FAM186B: variants seen among roughly 807,000 people sequenced by gnomAD.
FAM186B encodes protein FAM186B.
Under a neutral mutation model 83.4 loss-of-function variants are expected in FAM186B, and 68 were observed. The ratio of observed to expected loss-of-function variants is 0.81; its 90% CI spans 0.67 to 1.00. The LOEUF is 1.00. FAM186B is among the 50% of genes least tolerant of loss of function. FAM186B has a pLI of 0.00. For synonymous variants in FAM186B, 389 were observed against 422.0 expected (o/e 0.92, Z 0.96); for missense variants, 983 against 1,099.2 (o/e 0.89, Z 1.49).
chr12:49,592,645 A>C (rs575627504), intron 5 of FAM186B, among the ~76,000 whole-genome samples: 1 of 151,782 alleles, frequency 6.6e-6, no homozygotes, highest in South Asian at 2.1e-4. Flanking sequence ...AATTAGCCGG[A>C]CATGGTGGCG....
chr12:49,599,349 C>A (rs1939808454), intron 4 of FAM186B, 120 bp downstream of exon 4: 1 of 1,399,180 alleles, frequency 7.1e-7, no homozygotes, highest in Admixed American at 3.2e-5. Context: ...AGACCCTGTC[C>A]AGGCCTGGGG....
chr12:49,610,663 G>A, the FAM186B span, among the ~76,000 whole-genome samples: 7 of 152,036 alleles, frequency 4.6e-5, no homozygotes, highest in South Asian at 2.1e-4. Context: ...GGTCGTGGGC[G>A]CCTGTAGTCC....
chr12:49,611,998 G>A, the FAM186B span, among the ~76,000 whole-genome samples: 2 of 151,970 alleles, frequency 1.3e-5, no homozygotes, highest in African/African-American at 4.8e-5. Context: ...TCTAAACATG[G>A]AAATAAAAGA....
rs1939826284 is a variant in FAM186B at position 49,599,786 on chromosome 12, G to A, written c.1854C>T (p.Tyr618=). 8 of 1,613,916 alleles carry A rather than the reference G, an allele frequency of 5.0e-6. No individual in the cohort carries two copies. The highest frequency in any genetic ancestry group is 1.3e-5 in the African/African-American group (1 of 74,912). Residue 618 remains tyrosine (Y), a synonymous_variant, in exon 4 of 7, where the codon TAC becomes TAT. Transcript: ENST00000257894. Reference sequence around the variant, plus strand: ...TGGGAACTCGGCGGGTCCGTGGTCTGTAGGTAAACTCCACTGAACTCATAG... The same window carrying A: ...TGGGAACTCGGCGGGTCCGTGGTCTATAGGTAAACTCCACTGAACTCATAG... The part of the protein sequence containing the change: ...QRPMSSVEFT[Y]RPRTRRVPTK...
upstream of FAM186B, among the ~76,000 whole-genome samples, chr12:49,608,639 A>T (rs1406041802): frequency 6.6e-6 from 1 of 152,070 alleles, no homozygotes; most frequent in Non-Finnish European, 1.5e-5. Flanking sequence ...TGGGAATCCA[A>T]CAGAATCATG....
chr12:49,599,056 A>G, intron 4 of FAM186B, 109 bp from the exon 5 acceptor site: 1 of 1,173,634 alleles, frequency 8.5e-7, no homozygotes. Flanking sequence ...GCAAAAAGAG[A>G]AATGGAGGCT....
intron 5 of FAM186B, among the ~76,000 whole-genome samples, chr12:49,593,924 A>G (rs1286951801): frequency 6.6e-5 from 10 of 152,224 alleles, no homozygotes; most frequent in Non-Finnish European, 1.5e-5. Flanking sequence ...AACTGAAATA[A>G]ATAGACATAA....
At chr12:49,585,795 A>G (rs754402601), downstream of FAM186B, among the ~76,000 whole-genome samples, 3 of 152,256 alleles carry the variant, frequency 2.0e-5, no homozygotes, top group African/African-American at 4.8e-5. Context: ...GTGAGGATCC[A>G]TGGTGGGCCA....
chr12:49,600,509 G>A lies in FAM186B; in HGVS notation c.1131C>T (p.Ala377=). The change falls in exon 4 of 7, where the codon GCC becomes GCT. Residue 377 remains alanine (A), a synonymous_variant. Coordinates refer to ENST00000257894, the MANE Select transcript of FAM186B (RefSeq NM_032130.3). This position sits in a 1 kb window ranked among gnomAD's most constrained non-coding sequence, Gnocchi z 4.3. Reference sequence around the variant, plus strand: ...CTATAGCACCACTGTCCCGTATCATGGCCATGGGACTTGGGGGAAGTGGCG... The same window carrying A: ...CTATAGCACCACTGTCCCGTATCATAGCCATGGGACTTGGGGGAAGTGGCG... ...LFSPLPPSPM[A]MIRDSGAIAA... 1 of 1,614,048 alleles carries A rather than the reference G, an allele frequency of 6.2e-7. No individual in the cohort carries two copies. The highest frequency in any genetic ancestry group is 1.1e-5 in the South Asian group (1 of 91,056).
intron 1 of FAM186B, 105 bp from the exon 2 acceptor site, chr12:49,604,643 A>T (rs1592557286): frequency 1.2e-6 from 1 of 802,422 alleles, no homozygotes; most frequent in East Asian, 2.6e-5. Context: ...TTTGGGTCTC[A>T]GTTTTCTTAT....
upstream of FAM186B, among the ~76,000 whole-genome samples, chr12:49,606,486 G>GACACACAC (rs57458344): frequency 3.0e-3 from 403 of 136,080 alleles, 2 homozygotes; most frequent in African/African-American, 8.1e-3. Flanking sequence ...TAGATACCCT[G>GACACACAC]ACACACACAC....
chr12:49,593,476 A>G (rs1414126760), intron 5 of FAM186B, among the ~76,000 whole-genome samples: 1 of 152,070 alleles, frequency 6.6e-6, no homozygotes, highest in Non-Finnish European at 1.5e-5. Flanking sequence ...TCTACTAAAA[A>G]TACAAAAATT....
rs762526265 is a variant in FAM186B at position 49,587,714 on chromosome 12, T to G, written c.2573A>C (p.Glu858Ala). The change falls in exon 7 of 7, where the codon GAG becomes GCG. Residue 858 changes from glutamate (E) to alanine (A), a missense_variant. Coordinates refer to ENST00000257894, the MANE Select transcript of FAM186B (RefSeq NM_032130.3). ...GKQMEAVWKT[E>A]VASSSYAIEK... ...TATTGCGTAACTGGAGGAGGCCACC[T>G]CGGTCTTCCAGACAGCCTCCATCTG... 20 of 1,614,052 alleles carry G rather than the reference T, an allele frequency of 1.2e-5. No individual in the cohort carries two copies. The South Asian group carries it at 2.2e-4, about 18-fold the overall frequency.
chr12:49,586,795 C>T (rs1377139215), downstream of FAM186B, among the ~76,000 whole-genome samples: 1 of 152,234 alleles, frequency 6.6e-6, no homozygotes, highest in African/African-American at 2.4e-5. Flanking sequence ...AGCTGGAATG[C>T]TGGCCCATTT....
chr12:49,590,322 G>A (rs963592195), intron 5 of FAM186B, among the ~76,000 whole-genome samples: 4 of 152,114 alleles, frequency 2.6e-5, no homozygotes, highest in Admixed American at 6.6e-5. Context: ...AATGGCAGAG[G>A]AGAGGAAAAA....
At chr12:49,622,190 G>T in the FAM186B span, among the ~76,000 whole-genome samples, 1 of 152,190 alleles carries the variant, frequency 6.6e-6, no homozygotes, top group Non-Finnish European at 1.5e-5. Context: ...AGAGGCCGCC[G>T]GTGGTCCGTC....
intron 3 of FAM186B, among the ~76,000 whole-genome samples, chr12:49,602,131 A>G (rs1215732019): frequency 6.6e-6 from 1 of 152,126 alleles, no homozygotes; most frequent in Non-Finnish European, 1.5e-5. Context: ...CATAGGACTT[A>G]GATTATGCAT....
At chr12:49,609,563 A>C (rs765515500), upstream of FAM186B, among the ~76,000 whole-genome samples, 9 of 152,172 alleles carry the variant, frequency 5.9e-5, no homozygotes, top group Non-Finnish European at 1.0e-4. Flanking sequence ...CACATGAATT[A>C]GCAGCCTGCC....
At chr12:49,584,766 TC>T (rs1348490887), downstream of FAM186B, among the ~76,000 whole-genome samples, 1 of 152,178 alleles carries the variant, frequency 6.6e-6, no homozygotes, top group Non-Finnish European at 1.5e-5. Context: ...CACAACGTCC[TC>T]CCAAGTCCCA....
Sources: allele counts gnomAD v4.1 joint callset (sites outside exome capture counted in the v4.1 genomes callset), GRCh38; gene constraint gnomAD v4.1.1; non-coding constraint Gnocchi (gnomAD v3.1); transcripts MANE v1.5; gene names NCBI Gene and HGNC (gene_info 2026-07-23, HGNC 2026-07-21).